Variants in IFNGR2 observed in about 807,000 individuals in gnomAD.
The protein encoded by IFNGR2 is IFN-gamma receptor 2.
IFNGR2 carries 15 observed loss-of-function variants against 41.1 expected under a neutral mutation model. The observed-to-expected ratio is 0.37, with a 90% confidence interval of 0.24 to 0.56. The LOEUF is 0.56. Among genes scored for constraint, IFNGR2 ranks in the 20% least tolerant of loss-of-function variants. The probability of loss-of-function intolerance (pLI) is 0.81; values close to 1 mark genes in which losing one functional copy is unlikely to be tolerated. For synonymous variants in IFNGR2, 161 were observed against 171.6 expected (o/e 0.94, Z 0.48); for missense variants, 362 against 415.7 (o/e 0.87, Z 1.12).
upstream of IFNGR2, chr21:33,402,932 GC>G (rs1469472818): frequency 6.8e-6 from 1 of 147,802 alleles, no homozygotes; most frequent in African/African-American, 2.5e-5. Flanking sequence ...AGCCGAGATC[GC>G]CCCACTGCAC....
In IFNGR2 at chr21:33,432,888, C is replaced by CTT. The variant is rs201322939; in HGVS notation, c.879+18_879+19insTT. On this transcript the variant is annotated intron_variant, in intron 6 of 6. Coordinates refer to ENST00000290219, the MANE Select transcript of IFNGR2 (RefSeq NM_005534.4). ...ATAGAAGAGGTACGTGTGCACACATCTCTTTTTTTTTTTTTGAGACAGGGT... is the reference window on the plus strand; with the variant it reads ...ATAGAAGAGGTACGTGTGCACACATCTTTCTTTTTTTTTTTTTGAGACAGGGT... 516 of 1,338,122 alleles carry CTT rather than the reference C, an allele frequency of 3.9e-4. 1 individual carries two copies. Among genetic ancestry groups the CTT allele is most frequent in the Admixed American group, 7.2e-4 (34 of 46,920 alleles). 82.9% of individuals were successfully genotyped at this position (1,338,122 alleles called of 1,614,324 possible).
chr21:33,435,790 G>T (rs1195357719), intron 6 of IFNGR2, among the ~76,000 whole-genome samples: 1 of 148,362 alleles, frequency 6.7e-6, no homozygotes, highest in Non-Finnish European at 1.5e-5. Flanking sequence ...GGCTGAGGCA[G>T]GAGAATCACT....
At chr21:33,403,882 A>T (rs1329120156) in intron 1 of IFNGR2, among the ~76,000 whole-genome samples, 3 of 152,064 alleles carry the variant, frequency 2.0e-5, no homozygotes, top group African/African-American at 7.2e-5. Context: ...GGCGGCCAGG[A>T]GTTCCAGACA....
intron 5 of IFNGR2, 124 bp from the exon 6 acceptor site, chr21:33,432,590 G>A: frequency 3.7e-6 from 4 of 1,077,976 alleles, no homozygotes; most frequent in South Asian, 1.3e-5. Context: ...AGGGTGGGGG[G>A]TAGAGGGACT....
At chr21:33,429,504 G>A (rs1261657146) in intron 4 of IFNGR2, among the ~76,000 whole-genome samples, 3 of 152,090 alleles carry the variant, frequency 2.0e-5, no homozygotes, top group East Asian at 1.9e-4. Context: ...AAGCAAAATC[G>A]GCAAAGGGAA....
In IFNGR2 at chr21:33,432,659, T is replaced by C. The variant is rs1532; in HGVS notation, c.722-55T>C. 1,152,424 of 1,579,122 alleles carry C rather than the reference T, an allele frequency of 0.73. 424,203 individuals carry two copies. Among genetic ancestry groups the C allele is most frequent in the East Asian group, 0.98 (43,684 of 44,700 alleles). On this transcript the variant is annotated intron_variant, in intron 5 of 6. Transcript: ENST00000290219. ...GCAGCATGGATGGAACATTAACTGA[T>C]GTTTGTGTTGTGCGTAGGAAGATCA... is the stretch of plus-strand genomic sequence containing the variant.
At chr21:33,434,209 G>A (rs2083920421) in intron 6 of IFNGR2, among the ~76,000 whole-genome samples, 1 of 152,142 alleles carries the variant, frequency 6.6e-6, no homozygotes. Context: ...TCAGAGGCGA[G>A]CTGAGAGAAG....
At chr21:33,427,569 G>C (rs1353223469) in intron 4 of IFNGR2, among the ~76,000 whole-genome samples, 1 of 152,136 alleles carries the variant, frequency 6.6e-6, no homozygotes, top group Non-Finnish European at 1.5e-5. Context: ...AATCCACAAG[G>C]GGCTGTGGCA....
chr21:33,423,036 C>CT (rs1158807047), intron 3 of IFNGR2, among the ~76,000 whole-genome samples: 2,193 of 117,092 alleles, frequency 0.019, 165 homozygotes, highest in Non-Finnish European at 0.024. Flanking sequence ...CTTCCCTCTA[C>CT]TTTTTTTTTT....
intron 6 of IFNGR2, among the ~76,000 whole-genome samples, chr21:33,433,944 C>G (rs1210353861): frequency 6.6e-6 from 1 of 151,992 alleles, no homozygotes; most frequent in African/African-American, 2.4e-5. Context: ...GCGGTGGAGA[C>G]AGTGATCAGG....
chr21:33,428,230 ATTG>A (rs1232322250), intron 4 of IFNGR2, among the ~76,000 whole-genome samples: 11 of 118,796 alleles, frequency 9.3e-5, no homozygotes, highest in African/African-American at 3.0e-4. Flanking sequence ...TTTTTTAATT[ATTG>A]TTCTTTTTTT....
chr21:33,407,846 A>ACCC (rs55734282), intron 1 of IFNGR2, among the ~76,000 whole-genome samples: 40 of 86,794 alleles, frequency 4.6e-4, no homozygotes, highest in African/African-American at 1.4e-3. Flanking sequence ...TCCCCACCGC[A>ACCC]CCCCCCCCCG....
At chr21:33,435,166 C>T (rs369031008) in intron 6 of IFNGR2, among the ~76,000 whole-genome samples, 1 of 152,168 alleles carries the variant, frequency 6.6e-6, no homozygotes, top group East Asian at 1.9e-4. Flanking sequence ...AAGCCTAAAG[C>T]CTGCGGGAGC....
chr21:33,416,009 C>T (rs915570517), intron 2 of IFNGR2, among the ~76,000 whole-genome samples: 1 of 152,150 alleles, frequency 6.6e-6, no homozygotes, highest in Non-Finnish European at 1.5e-5. Context: ...GCATGAGCTA[C>T]CATGGCTGGC....
At chr21:33,411,930 G>A (rs959388055) in intron 1 of IFNGR2, among the ~76,000 whole-genome samples, 2 of 152,074 alleles carry the variant, frequency 1.3e-5, no homozygotes, top group Non-Finnish European at 2.9e-5. Flanking sequence ...TTTAGAGATG[G>A]GGGGATCTCG....
intron 4 of IFNGR2, among the ~76,000 whole-genome samples, chr21:33,430,195 C>T (rs1217600493): frequency 6.6e-6 from 1 of 152,166 alleles, no homozygotes; most frequent in African/African-American, 2.4e-5. Context: ...TAAGGGTTGA[C>T]CTGGAAATCA....
At position 33,432,800 on chromosome 21, in the gene IFNGR2, G is replaced by A; in HGVS notation, c.808G>A (p.Val270Ile). The A allele has an allele frequency of 6.8e-6, 11 of 1,613,786 alleles. No homozygotes were observed. Among genetic ancestry groups the A allele is most frequent in the Non-Finnish European group, 8.5e-6 (10 of 1,179,850 alleles). ...GCTGGCAGGAGCCTGTTTCTTCCTG[G>A]TCCTGAAATATAGAGGCCTGATTAA... ...SVLAGACFFL[V>I]LKYRGLIKYW... Residue 270 changes from valine to isoleucine, a missense_variant, in exon 6 of 7, where the codon GTC (valine) becomes ATC (isoleucine). Val to Ile is a conservative substitution (Grantham distance 29). Coordinates refer to ENST00000290219, the MANE Select transcript of IFNGR2 (RefSeq NM_005534.4).
intron 1 of IFNGR2, chr21:33,411,648 T>C (rs2083716689): frequency 2.6e-6 from 1 of 377,704 alleles, no homozygotes; most frequent in Non-Finnish European, 5.5e-6. Flanking sequence ...CACCACAGGG[T>C]CCCCAAAAGA....
chr21:33,429,830 G>T (rs941410689), intron 4 of IFNGR2, among the ~76,000 whole-genome samples: 4 of 152,122 alleles, frequency 2.6e-5, no homozygotes, highest in African/African-American at 9.7e-5. Context: ...GGGAATGGGA[G>T]GGATAAACTT....
Sources: gnomAD v4.1 joint callset for allele counts (sites outside exome capture counted in the v4.1 genomes callset) on GRCh38, gnomAD v4.1.1 for gene constraint, MANE v1.5 for transcripts, NCBI Gene and HGNC (gene_info 2026-07-23, HGNC 2026-07-21) for gene names.